Variants in NAA35 observed in about 807,000 individuals in gnomAD.
NAA35 encodes the protein MAK10 homolog, amino-acid N-acetyltransferase subunit.
In NAA35, 18 loss-of-function variants were observed where a neutral mutation model predicts 101.7. That is an observed-to-expected ratio of 0.18 (90% confidence interval 0.12 to 0.26). NAA35 has a LOEUF of 0.26. Among genes scored for constraint, NAA35 ranks in the 10% least tolerant of loss-of-function variants. The probability of loss-of-function intolerance (pLI) is 1.00; values close to 1 mark genes in which losing one functional copy is unlikely to be tolerated. For missense variants in NAA35, 601 were observed against 886.8 expected (o/e 0.68, Z 4.09); for synonymous variants, 267 against 273.1 (o/e 0.98, Z 0.22).
chr9:85,961,940 G>T, intron 5 of NAA35, 73 bp from the exon 6 acceptor site: 2 of 1,241,892 alleles, frequency 1.6e-6, no homozygotes, highest in Non-Finnish European at 1.1e-6. Context: ...TCTGGCCTTT[G>T]ACTCTAGGAT....
At chr9:85,943,648 A>G (rs1828623946) in intron 2 of NAA35, among the ~76,000 whole-genome samples, 1 of 152,252 alleles carries the variant, frequency 6.6e-6, no homozygotes, top group African/African-American at 2.4e-5. Context: ...AGAGAGAAAG[A>G]AATGTCAAGT....
intron 6 of NAA35, among the ~76,000 whole-genome samples, chr9:85,969,106 C>T (rs1829888248): frequency 6.6e-6 from 1 of 152,072 alleles, no homozygotes; most frequent in Non-Finnish European, 1.5e-5. Context: ...ACAGCTGTGT[C>T]ATTCTAGTTT....
intron 10 of NAA35, 120 bp downstream of exon 10, chr9:85,977,566 G>A: frequency 1.5e-6 from 1 of 670,302 alleles, no homozygotes; most frequent in Non-Finnish European, 2.7e-6. Context: ...ACAGAACTCA[G>A]CATTTGGTAT....
At chr9:86,019,409 C>T (rs1242287030) in intron 21 of NAA35, among the ~76,000 whole-genome samples, 5 of 152,062 alleles carry the variant, frequency 3.3e-5, no homozygotes, top group Admixed American at 3.3e-4. Context: ...TGCAGGGAGC[C>T]GAGATTGTGC....
intron 2 of NAA35, among the ~76,000 whole-genome samples, chr9:85,956,122 T>C (rs551079314): frequency 2.0e-5 from 3 of 152,186 alleles, no homozygotes; most frequent in Non-Finnish European, 2.9e-5. Context: ...GGGTCACTTA[T>C]TCTCAAAAGT....
intron 6 of NAA35, chr9:85,966,653 G>A: frequency 7.7e-7 from 1 of 1,295,390 alleles, no homozygotes; most frequent in South Asian, 1.3e-5. Context: ...AAATGAAAAT[G>A]TTCAATGTTG....
intron 6 of NAA35, among the ~76,000 whole-genome samples, chr9:85,965,329 C>A (rs1829698336): frequency 6.6e-6 from 1 of 152,180 alleles, no homozygotes; most frequent in Admixed American, 6.5e-5. Flanking sequence ...TTCATACAAT[C>A]AAGTGCTTTG....
At chr9:85,955,924 A>G (rs1271502819) in intron 2 of NAA35, among the ~76,000 whole-genome samples, 4 of 152,204 alleles carry the variant, frequency 2.6e-5, no homozygotes, top group Non-Finnish European at 5.9e-5. Flanking sequence ...CATGATTTAA[A>G]CAAAATAGGA....
intron 20 of NAA35, 85 bp downstream of exon 20, chr9:86,018,480 A>C: frequency 6.9e-7 from 1 of 1,441,272 alleles, no homozygotes; most frequent in Non-Finnish European, 9.4e-7. Flanking sequence ...CCATCTTGTT[A>C]CATTAACAGT....
intron 11 of NAA35, 127 bp downstream of exon 11, chr9:85,978,508 C>T (rs1379568696): frequency 3.1e-6 from 2 of 636,468 alleles, no homozygotes; most frequent in African/African-American, 3.7e-5. Context: ...CAGAGACTTA[C>T]AGTGTTTAGG....
intron 12 of NAA35, among the ~76,000 whole-genome samples, chr9:85,999,534 G>A (rs755236525): frequency 1.1e-4 from 16 of 152,182 alleles, no homozygotes; most frequent in Non-Finnish European, 2.4e-4. Flanking sequence ...AGGCTAAGTT[G>A]TCTGCCATTA....
chr9:85,984,562 G>T (rs945227205), intron 11 of NAA35, among the ~76,000 whole-genome samples: 1 of 152,190 alleles, frequency 6.6e-6, no homozygotes, highest in South Asian at 2.1e-4. Flanking sequence ...AGTGTCACAT[G>T]TGCAGCAGTA....
At chr9:85,994,296 T>C (rs1401507586) in intron 11 of NAA35, among the ~76,000 whole-genome samples, 1 of 152,166 alleles carries the variant, frequency 6.6e-6, no homozygotes, top group African/African-American at 2.4e-5. Context: ...ACTCTACCCC[T>C]TAAACATGAA....
chr9:85,967,087 C>G (rs1280879518), intron 6 of NAA35, among the ~76,000 whole-genome samples: 1 of 152,034 alleles, frequency 6.6e-6, no homozygotes, highest in Non-Finnish European at 1.5e-5. Context: ...TGCAGTGAGT[C>G]AAGATTGTAC....
At chr9:85,990,670 G>GA (rs1030976365) in intron 11 of NAA35, among the ~76,000 whole-genome samples, 3 of 152,170 alleles carry the variant, frequency 2.0e-5, no homozygotes, top group Non-Finnish European at 4.4e-5. Flanking sequence ...TTCTCTTCTT[G>GA]AAAAAATTCA....
chr9:86,002,050 A>C (rs1831437710), intron 12 of NAA35, among the ~76,000 whole-genome samples: 1 of 152,140 alleles, frequency 6.6e-6, no homozygotes, highest in Non-Finnish European at 1.5e-5. Flanking sequence ...TCCTCTTGTA[A>C]GGTAGGACTG....
At chr9:85,975,292 C>A in intron 8 of NAA35, 135 bp downstream of exon 8, 1 of 852,020 alleles carries the variant, frequency 1.2e-6, no homozygotes, top group Non-Finnish European at 1.8e-6. Context: ...TGAATTTGAA[C>A]ACTGCTAGAG....
At chr9:86,013,293 G>A (rs534346465) in intron 16 of NAA35, 149 bp downstream of exon 16, 28 of 465,798 alleles carry the variant, frequency 6.0e-5, no homozygotes, top group South Asian at 3.3e-4. Context: ...TTACACCAAC[G>A]TTTACAAAAT....
At chr9:85,967,726 C>T (rs887337288) in intron 6 of NAA35, among the ~76,000 whole-genome samples, 9 of 151,464 alleles carry the variant, frequency 5.9e-5, no homozygotes, top group African/African-American at 4.9e-5. Flanking sequence ...GGCGTGAACC[C>T]GGGAGGCAGA....
Sources: gnomAD v4.1 joint callset for allele counts (sites outside exome capture counted in the v4.1 genomes callset) on GRCh38, gnomAD v4.1.1 for gene constraint, MANE v1.5 for transcripts, NCBI Gene and HGNC (gene_info 2026-07-23, HGNC 2026-07-21) for gene names.